The following TMBIM6 variants were observed in gnomAD, a reference collection of about 807,000 sequenced individuals.
TMBIM6 encodes the protein bax inhibitor 1.
In TMBIM6, 13 loss-of-function variants were observed where a neutral mutation model predicts 31.4. That is an observed-to-expected ratio of 0.41 (90% CI 0.27 to 0.66). TMBIM6 has a LOEUF of 0.66. TMBIM6 is among the 30% of genes least tolerant of loss of function. The probability of loss-of-function intolerance (pLI) is 0.28; values close to 1 mark genes in which losing one functional copy is unlikely to be tolerated. For missense variants in TMBIM6, 275 were observed against 289.5 expected (o/e 0.95, Z 0.36); for synonymous variants, 85 against 101.7 (o/e 0.84, Z 0.99).
At chr12:49,752,621 A>G in intron 2 of TMBIM6, 72 bp downstream of exon 2, 1 of 1,324,078 alleles carries the variant, frequency 7.6e-7, no homozygotes, top group Non-Finnish European at 1.1e-6. Context: ...TTCTGCATTT[A>G]TAACTTTTGT....
intron 6 of TMBIM6, 94 bp downstream of exon 6, chr12:49,758,574 T>C (rs1271613814): frequency 4.5e-6 from 7 of 1,547,394 alleles, no homozygotes; most frequent in East Asian, 4.5e-5. Context: ...TTTGCGACTA[T>C]TGAGTTGAGA....
At chr12:49,742,491 C>G (rs1172403795) in intron 1 of TMBIM6, 1 of 517,006 alleles carries the variant, frequency 1.9e-6, no homozygotes, top group Non-Finnish European at 3.2e-6. Context: ...CTTTCATTGA[C>G]CACCCCCACA....
intron 1 of TMBIM6, among the ~76,000 whole-genome samples, chr12:49,745,972 A>G (rs1945385135): frequency 6.6e-6 from 1 of 152,152 alleles, no homozygotes; most frequent in Non-Finnish European, 1.5e-5. Flanking sequence ...TCAGTTTACA[A>G]TGGGATTATT....
At chr12:49,744,003 A>T (rs1945346090) in intron 1 of TMBIM6, among the ~76,000 whole-genome samples, 1 of 152,118 alleles carries the variant, frequency 6.6e-6, no homozygotes, top group African/African-American at 2.4e-5. Context: ...AGGTAAAATG[A>T]TTTTTCCTAG....
Position 49,764,493 on chromosome 12 carries a change from C to T in TMBIM6, c.*1597C>T, listed in dbSNP as rs528224667. The stretch of plus-strand genomic sequence containing the variant: ...GCTCACTTTCACTGAGGATGCTGTC[C>T]TCTGATTTAGCTGCTGCCTCCAGCC... On this transcript the variant is annotated 3_prime_UTR_variant, in exon 10 of 10. Transcript: ENST00000267115. 1.2e-4 allele frequency: 18 copies of T among 152,610 alleles called. No individual in the cohort carries two copies. The East Asian group carries it at 3.3e-3, about 28-fold the overall frequency. 9.5% of individuals were successfully genotyped at this position (152,610 alleles called of 1,614,324 possible).
At chr12:49,759,713 A>G (rs997694326) in intron 8 of TMBIM6, among the ~76,000 whole-genome samples, 1 of 152,064 alleles carries the variant, frequency 6.6e-6, no homozygotes, top group Admixed American at 6.6e-5. Context: ...AGGCTAAGGT[A>G]TAAGAATCAT....
intron 1 of TMBIM6, among the ~76,000 whole-genome samples, chr12:49,743,024 G>T (rs1198869685): frequency 8.1e-6 from 1 of 123,968 alleles, no homozygotes; most frequent in African/African-American, 3.1e-5. Flanking sequence ...TCTCACTGTC[G>T]CCCAGGCTAG....
At chr12:49,752,895 AAG>A in intron 2 of TMBIM6, 76 bp from the exon 3 acceptor site, 2 of 1,325,256 alleles carry the variant, frequency 1.5e-6, no homozygotes, top group Non-Finnish European at 2.1e-6. Context: ...CAGGAAGGGA[AAG>A]AGAGAAATGA....
At chr12:49,752,891 G>T in intron 2 of TMBIM6, 82 bp from the exon 3 acceptor site, 1 of 1,285,266 alleles carries the variant, frequency 7.8e-7, no homozygotes, top group Non-Finnish European at 1.1e-6. Context: ...TTCCCAGGAA[G>T]GGAAAGAGAG....
In TMBIM6 at chr12:49,758,163, T is replaced by C; in HGVS notation, c.287-64T>C. 1.9e-6 allele frequency: 3 copies of C among 1,593,994 alleles called. No homozygotes were observed. In the South Asian group the frequency reaches 3.3e-5, roughly 18 times the overall value. ...GTATGCCTATATTTCGGGATCAGCT[T>C]TTGGATGAGGATCCTATTCAAGAAT... is the stretch of plus-strand genomic sequence containing the variant. On this transcript the variant is annotated intron_variant, in intron 4 of 9. Coordinates refer to ENST00000267115, the MANE Select transcript of TMBIM6 (RefSeq NM_003217.3).
At chr12:49,758,315 T>C in intron 5 of TMBIM6, 40 bp downstream of exon 5, 1 of 1,614,072 alleles carries the variant, frequency 6.2e-7, no homozygotes, top group Non-Finnish European at 8.5e-7. Context: ...TTTATCTTTA[T>C]GAATATACCT....
rs1945550241 is a variant in TMBIM6 at position 49,754,306 on chromosome 12, G to A, written c.165+1225G>A. Reference sequence around the variant, plus strand: ...TTGGCTTAATTTTGCTGTTCAGAATGCAAACAGCATAGTGCTGAAGTGCTG... The same window carrying A: ...TTGGCTTAATTTTGCTGTTCAGAATACAAACAGCATAGTGCTGAAGTGCTG... On this transcript the variant is annotated intron_variant, in intron 3 of 9. Transcript: ENST00000267115. 2.0e-5 allele frequency among the ~76,000 whole-genome samples: 3 copies of A among 152,132 alleles called. 1 individual carries two copies. The South Asian group carries it at 6.2e-4, about 32-fold the overall frequency.
At chr12:49,762,020 C>G (rs1275114161) in intron 9 of TMBIM6, 1 of 488,120 alleles carries the variant, frequency 2.0e-6, no homozygotes, top group African/African-American at 2.0e-5. Flanking sequence ...GCTTCAGTGG[C>G]AGTAAACACA....
intron 1 of TMBIM6, chr12:49,741,979 T>A (rs1471799090): frequency 8.7e-7 from 1 of 1,145,478 alleles, no homozygotes; most frequent in African/African-American, 1.5e-5. Flanking sequence ...TTGGCCTAGC[T>A]TCGATCGTTC....
chr12:49,747,359 A>C (rs760888907), intron 1 of TMBIM6, among the ~76,000 whole-genome samples: 12 of 151,984 alleles, frequency 7.9e-5, no homozygotes, highest in Non-Finnish European at 1.8e-4. Context: ...ACCAGGCTGG[A>C]GTGAAGCAAC....
intron 1 of TMBIM6, among the ~76,000 whole-genome samples, chr12:49,746,355 A>T (rs1292800758): frequency 6.6e-6 from 1 of 152,164 alleles, no homozygotes; most frequent in Non-Finnish European, 1.5e-5. Context: ...AAGTGCTGGG[A>T]TTACAGGCTA....
intron 4 of TMBIM6, among the ~76,000 whole-genome samples, chr12:49,756,076 G>A (rs1011166991): frequency 6.6e-6 from 1 of 151,660 alleles, no homozygotes; most frequent in African/African-American, 2.4e-5. Flanking sequence ...CTCATGATCC[G>A]CCCGTCTCGG....
Position 49,764,131 on chromosome 12 carries a change from A to T in TMBIM6, c.*1235A>T, listed in dbSNP as rs1565576301. 6.6e-6 allele frequency: 1 copy of T among 152,128 alleles called. No individual in the cohort carries two copies. The highest frequency in any genetic ancestry group is 1.5e-5 in the Non-Finnish European group (1 of 68,028). 9.4% of individuals were successfully genotyped at this position (152,128 alleles called of 1,614,324 possible). A position where few individuals can be genotyped will look rare whatever the true frequency, so the allele number is the denominator to read the frequency against. ...AGGCGACCAAACCAGTGAGAGCCCC[A>T]ATCCCTGCAGTTTTGTGGCTTCAAG... On this transcript the variant is annotated 3_prime_UTR_variant, in exon 10 of 10. Transcript: ENST00000267115.
intron 3 of TMBIM6, among the ~76,000 whole-genome samples, 186 bp downstream of exon 3, chr12:49,753,267 A>G (rs1945529988): frequency 6.6e-6 from 1 of 152,180 alleles, no homozygotes; most frequent in African/African-American, 2.4e-5. Flanking sequence ...TGCCCCCTCT[A>G]GATACCGAAA....
Sources: allele counts gnomAD v4.1 joint callset (sites outside exome capture counted in the v4.1 genomes callset), GRCh38; gene constraint gnomAD v4.1.1; transcripts MANE v1.5; gene names NCBI Gene and HGNC (gene_info 2026-07-23, HGNC 2026-07-21).